Variants in IRAG2 observed in about 807,000 individuals in gnomAD.
IRAG2 encodes lymphoid restricted membrane protein.
In IRAG2, 45 loss-of-function variants were observed where a neutral mutation model predicts 69.9. That is an observed-to-expected ratio of 0.64 (90% CI 0.51 to 0.83). The LOEUF is 0.83. Ranked by LOEUF, IRAG2 falls within the 40% of genes least tolerant of loss-of-function variation. The pLI, the probability that IRAG2 is intolerant of heterozygous loss-of-function variation, is 0.00. For synonymous variants in IRAG2, 193 were observed against 202.4 expected, an observed-to-expected ratio of 0.95 and a Z score of 0.40; for missense variants, 520 against 587.0, an observed-to-expected ratio of 0.89 and a Z score of 1.18.
intron 8 of IRAG2, among the ~76,000 whole-genome samples, chr12:25,026,171 C>A (rs1268729253): frequency 1.3e-5 from 2 of 152,052 alleles, no homozygotes; most frequent in African/African-American, 4.8e-5. Flanking sequence ...AGTTTGCCAC[C>A]CCCTGATTTA....
intron 11 of IRAG2, among the ~76,000 whole-genome samples, chr12:25,088,666 A>C (rs1334971732): frequency 4.6e-5 from 7 of 152,212 alleles, no homozygotes; most frequent in Non-Finnish European, 8.8e-5. Flanking sequence ...GAAAAGAAGA[A>C]AAGTACACTT....
chr12:25,021,091 C>CT (rs71063389), intron 7 of IRAG2: 168,600 of 273,262 alleles, frequency 0.62, 41,619 homozygotes, highest in South Asian at 0.78. Flanking sequence ...TCTTTCTTTT[C>CT]TTTTTTTTTT....
chr12:25,023,968 T>C, intron 8 of IRAG2: 1 of 1,049,716 alleles, frequency 9.5e-7, no homozygotes, highest in Non-Finnish European at 1.2e-6. Context: ...ATGCAAATCA[T>C]ATCATCGTGG....
Position 25,088,155 on chromosome 12 carries a change from G to A in IRAG2, c.371G>A (p.Gly124Glu). 1 of 1,612,570 alleles carries A rather than the reference G, an allele frequency of 6.2e-7. No individual in the cohort carries two copies. Residue 124 changes from glycine (G) to glutamate (E), a missense_variant and splice_region_variant, in exon 11 of 22, where the codon GGA becomes GAA. Coordinates refer to ENST00000556887, the MANE Select transcript of IRAG2 (RefSeq NM_001366544.2). ...IEEHKKEHAS[G>E]DSVVSPLPVT... Reference sequence around the variant, plus strand: ...GAACATAAAAAAGAACATGCTTCAGGAGGTAAGGAATGTTTCTTTCAATCC... The same window carrying A: ...GAACATAAAAAAGAACATGCTTCAGAAGGTAAGGAATGTTTCTTTCAATCC...
intron 6 of IRAG2, chr12:25,076,551 C>A: frequency 1.0e-6 from 1 of 984,658 alleles, no homozygotes; most frequent in Non-Finnish European, 1.2e-6. Flanking sequence ...CTCTCTTTTC[C>A]CCAAACTGGA....
chr12:25,007,781 CAA>C (rs764418298), intron 2 of IRAG2, among the ~76,000 whole-genome samples: 28 of 152,196 alleles, frequency 1.8e-4, no homozygotes, highest in Admixed American at 6.5e-4. Context: ...CTCGGCTTCC[CAA>C]AGTGTTGGGA....
intron 16 of IRAG2, among the ~76,000 whole-genome samples, chr12:25,042,930 T>C (rs1244940162): frequency 1.3e-5 from 2 of 150,786 alleles, no homozygotes; most frequent in African/African-American, 4.9e-5. Context: ...TCTTGGAAGA[T>C]AATGGACACT....
exon 1 of IRAG2, chr12:25,004,710 G>T: frequency 8.1e-7 from 1 of 1,232,068 alleles, no homozygotes; most frequent in Non-Finnish European, 1.0e-6. Flanking sequence ...TCTCAAAGCC[G>T]AAGTCACAGA....
rs543203456 is a variant in IRAG2 at position 25,024,703 on chromosome 12, G to T, written c.1383+782G>T. 4.5e-4 allele frequency among the ~76,000 whole-genome samples: 69 copies of T among 152,250 alleles called. No individual in the cohort carries two copies. In the South Asian group the frequency reaches 0.014, roughly 31 times the overall value. On this transcript the variant is annotated intron_variant, in intron 8 of 38. Transcript: ENST00000636465. ...AGTGGGTATTTTAAAATTTCATAGT[G>T]GATTGGAAAGGAACAATTAAAGTTT...
chr12:25,005,385 G>T (rs860876), intron 2 of IRAG2: 187,656 of 978,578 alleles, frequency 0.19, 22,098 homozygotes, highest in African/African-American at 0.54. Context: ...TTAAACATTT[G>T]GTAGGACTGT....
In IRAG2 at chr12:25,108,127, A is replaced by T; in HGVS notation, c.*67A>T. The T allele has an allele frequency of 6.5e-7, 1 of 1,544,016 alleles. No homozygotes were observed. The highest frequency in any genetic ancestry group is 1.8e-5 in the Admixed American group (1 of 56,720). ...CAGTATCTGAACTTCGTAAATTAGT[A>T]ACTTTTAGCTGGGAAAGTATAGCAT... On this transcript the variant is annotated 3_prime_UTR_variant, in exon 22 of 22. Transcript: ENST00000556887.
At chr12:25,047,230 CA>C (rs1944802152) in intron 16 of IRAG2, among the ~76,000 whole-genome samples, 1 of 152,040 alleles carries the variant, frequency 6.6e-6, no homozygotes, top group South Asian at 2.1e-4. Flanking sequence ...TAGAAGAAAA[CA>C]TGGGGGAAAG....
intron 6 of IRAG2, among the ~76,000 whole-genome samples, chr12:25,018,159 G>A (rs890629391): frequency 6.6e-6 from 1 of 150,690 alleles, no homozygotes; most frequent in Non-Finnish European, 1.5e-5. Flanking sequence ...CATTTGTGCA[G>A]GAGTTTTTGA....
intron 12 of IRAG2, among the ~76,000 whole-genome samples, chr12:25,033,336 G>T (rs565905075): frequency 6.6e-6 from 1 of 152,230 alleles, no homozygotes; most frequent in Non-Finnish European, 1.5e-5. Flanking sequence ...ATAATTATTT[G>T]TTTCTGAATG....
At chr12:25,045,178 TAAAG>T (rs1172895476) in intron 16 of IRAG2, among the ~76,000 whole-genome samples, 1 of 151,762 alleles carries the variant, frequency 6.6e-6, no homozygotes, top group Non-Finnish European at 1.5e-5. Flanking sequence ...AATGAAGAAA[TAAAG>T]AAAATTAGAC....
At chr12:25,044,411 C>G (rs1944775343) in intron 16 of IRAG2, among the ~76,000 whole-genome samples, 1 of 151,996 alleles carries the variant, frequency 6.6e-6, no homozygotes, top group African/African-American at 2.4e-5. Flanking sequence ...AGTAGTAAGT[C>G]CTTCCCTATC....
intron 11 of IRAG2, among the ~76,000 whole-genome samples, 197 bp from the exon 12 acceptor site, chr12:25,089,417 C>T (rs1592064075): frequency 1.3e-5 from 2 of 152,106 alleles, no homozygotes; most frequent in African/African-American, 4.8e-5. Flanking sequence ...GAGGTATAAA[C>T]AAATGATTGT....
intron 15 of IRAG2, among the ~76,000 whole-genome samples, chr12:25,100,025 A>AT (rs1948665432): frequency 7.2e-6 from 1 of 138,038 alleles, no homozygotes; most frequent in African/African-American, 2.6e-5. Context: ...AAAAAAAAAA[A>AT]TGGGCAAAAG....
intron 16 of IRAG2, among the ~76,000 whole-genome samples, chr12:25,046,549 T>C (rs1235846001): frequency 1.3e-5 from 2 of 152,026 alleles, no homozygotes; most frequent in South Asian, 2.1e-4. Flanking sequence ...ATGAGCAACA[T>C]TGAACCATCT....
Sources: gnomAD v4.1 joint callset for allele counts (sites outside exome capture counted in the v4.1 genomes callset) on GRCh38, gnomAD v4.1.1 for gene constraint, MANE v1.5 for transcripts, NCBI Gene and HGNC (gene_info 2026-07-23, HGNC 2026-07-21) for gene names.